The following AKAP9 variants were observed in gnomAD, a reference collection of about 807,000 sequenced individuals.
AKAP9 encodes A-kinase anchoring protein 9.
In AKAP9, 311 loss-of-function variants were observed where a neutral mutation model predicts 488.5. That is an observed-to-expected ratio of 0.64 (90% CI 0.58 to 0.70). The LOEUF is 0.70. Among genes scored for constraint, AKAP9 ranks in the 30% least tolerant of loss-of-function variants. AKAP9 has a pLI of 0.00. For missense variants in AKAP9, 4,215 were observed against 4,374.5 expected, an observed-to-expected ratio of 0.96 and a Z score of 1.03; for synonymous variants, 1,462 against 1,483.5, an observed-to-expected ratio of 0.99 and a Z score of 0.33.
chr7:92,102,494 CA>C, intron 45 of AKAP9, 99 bp from the exon 46 acceptor site: 1 of 815,566 alleles, frequency 1.2e-6, no homozygotes, highest in South Asian at 1.5e-5. Flanking sequence ...CTACTACCAC[CA>C]CCACCACCAC....
intron 21 of AKAP9, among the ~76,000 whole-genome samples, chr7:92,047,494 C>T (rs1807207178): frequency 6.6e-6 from 1 of 152,216 alleles, no homozygotes; most frequent in African/African-American, 2.4e-5. Context: ...GCTAGAATTA[C>T]AGGCGTGAGC....
At chr7:92,103,084 C>T (rs545635312) in intron 46 of AKAP9, among the ~76,000 whole-genome samples, 8 of 152,200 alleles carry the variant, frequency 5.3e-5, no homozygotes, top group African/African-American at 9.6e-5. Flanking sequence ...TATCCAATCA[C>T]GGCTGCCTTT....
At chr7:92,004,165 C>A (rs1425350806) in intron 8 of AKAP9, among the ~76,000 whole-genome samples, 1 of 152,084 alleles carries the variant, frequency 6.6e-6, no homozygotes, top group African/African-American at 2.4e-5. Flanking sequence ...TGGTCTATAT[C>A]TCTGTTTTGG....
chr7:91,950,842 T>C (rs1011685508), intron 1 of AKAP9, among the ~76,000 whole-genome samples: 1 of 152,208 alleles, frequency 6.6e-6, no homozygotes, highest in Non-Finnish European at 1.5e-5. Flanking sequence ...ATATATGAAA[T>C]AATGAGTTTT....
intron 24 of AKAP9, among the ~76,000 whole-genome samples, chr7:92,063,262 A>C (rs1208746482): frequency 2.0e-5 from 3 of 152,172 alleles, no homozygotes; most frequent in Non-Finnish European, 4.4e-5. Context: ...GGGATTTTTA[A>C]TATGGAAAGT....
rs546439759 is a variant in AKAP9, at chr7:92,020,453, C to G, written c.3838-1785C>G. On this transcript the variant is annotated intron_variant, in intron 12 of 49. Coordinates refer to ENST00000356239, the MANE Select transcript of AKAP9 (RefSeq NM_005751.5). Reference sequence around the variant, plus strand: ...TTTCTAGGCTTAGGCATTTCTTCCTCTGTTCCCTTAGCAACAGTACAGGCC... The same window carrying G: ...TTTCTAGGCTTAGGCATTTCTTCCTGTGTTCCCTTAGCAACAGTACAGGCC... Among the ~76,000 whole-genome samples the G allele has an allele frequency of 4.6e-5, 7 of 152,306 alleles. No homozygotes were observed. In the South Asian group the frequency reaches 8.3e-4, roughly 18 times the overall value.
Position 92,002,431 on chromosome 7 carries a change from G to A in AKAP9, c.2514G>A (p.Gln838=), listed in dbSNP as rs1562961564. ...AGGACCTCAAACAACAATGTATTCA[G>A]CTAAATGAAGAGATTGAAAAGCAAA... The part of the protein sequence containing the change: ...ENEDLKQQCI[Q]LNEEIEKQRN... Residue 838 remains glutamine (Q), a synonymous_variant, in exon 8 of 50, where the codon CAG becomes CAA. Transcript: ENST00000356239. 4.4e-6 allele frequency: 7 copies of A among 1,608,564 alleles called. No individual in the cohort carries two copies. In the South Asian group the frequency reaches 7.8e-5, roughly 18 times the overall value.
At chr7:91,943,217 A>C (rs146178691) in intron 1 of AKAP9, among the ~76,000 whole-genome samples, 80 of 152,204 alleles carry the variant, frequency 5.3e-4, no homozygotes, top group African/African-American at 8.7e-4. Context: ...AACAAACAAA[A>C]AAAAACCCCT....
At position 92,022,884 on chromosome 7, in the gene AKAP9, A is replaced by T. The variant is rs765475242; in HGVS notation, c.4023A>T (p.Gln1341His). The stretch of plus-strand genomic sequence containing the variant: ...AAACTAAACTTGAAGAACAAGTTCA[A>T]GAATTAGAAAGCCTCATATCCTCTT... ...LEKTKLEEQVQELESLISSLQ... is the reference protein window; with the variant it reads ...LEKTKLEEQVHELESLISSLQ... Residue 1341 changes from glutamine (Q) to histidine (H), a missense_variant, in exon 14 of 50, where the codon CAA (glutamine) becomes CAT (histidine). By Grantham distance (24) the Gln-to-His change is conservative (BLOSUM62 0). Around this residue, in one of 5 missense-constraint regions of AKAP9, gnomAD observed 2,361 missense variants for 2,430.0 expected, o/e 0.97. Transcript: ENST00000356239. 3.3e-5 allele frequency: 53 copies of T among 1,612,104 alleles called. No individual in the cohort carries two copies. The highest frequency in any genetic ancestry group is 4.0e-5 in the Non-Finnish European group (47 of 1,178,438).
intron 21 of AKAP9, 23 bp from the exon 22 acceptor site, chr7:92,052,703 C>A: frequency 6.8e-7 from 1 of 1,468,558 alleles, no homozygotes; most frequent in Non-Finnish European, 9.5e-7. Flanking sequence ...TTAATTTATG[C>A]CTTTAAAACA....
chr7:91,987,059 C>T (rs1304902857), intron 3 of AKAP9, among the ~76,000 whole-genome samples: 1 of 151,930 alleles, frequency 6.6e-6, no homozygotes, highest in Non-Finnish European at 1.5e-5. Context: ...GTCAAAAAAA[C>T]TAAATTGATG....
chr7:92,058,164 C>CT (rs1463340614), intron 22 of AKAP9: 1 of 585,172 alleles, frequency 1.7e-6, no homozygotes, highest in African/African-American at 1.8e-5. Context: ...GCTGTATCTT[C>CT]TGGGATGGAT....
intron 2 of AKAP9, among the ~76,000 whole-genome samples, chr7:91,979,404 A>T (rs577734120): frequency 6.6e-6 from 1 of 152,100 alleles, no homozygotes; most frequent in Admixed American, 6.6e-5. Flanking sequence ...TATGGGGGAA[A>T]CTGCTCTCAT....
chr7:92,060,856 G>A (rs1025084215), intron 22 of AKAP9, among the ~76,000 whole-genome samples: 10 of 151,566 alleles, frequency 6.6e-5, no homozygotes, highest in Non-Finnish European at 1.0e-4. Context: ...GTCACAATCC[G>A]TAAATACTAA....
chr7:92,075,779 A>G (rs1004057079), intron 28 of AKAP9, among the ~76,000 whole-genome samples: 3 of 152,236 alleles, frequency 2.0e-5, no homozygotes, highest in Admixed American at 1.3e-4. Context: ...GGCTGTTACT[A>G]CTAGTATTGA....
At chr7:92,068,529 CT>C in intron 26 of AKAP9, among the ~76,000 whole-genome samples, 1 of 151,882 alleles carries the variant, frequency 6.6e-6, no homozygotes. Context: ...ATGTAGTTTT[CT>C]TTTATTTGAA....
At chr7:91,954,388 A>G (rs1486945588) in intron 1 of AKAP9, among the ~76,000 whole-genome samples, 1 of 152,122 alleles carries the variant, frequency 6.6e-6, no homozygotes, top group Non-Finnish European at 1.5e-5. Context: ...GGGTTCAAGT[A>G]ATCCTCCCAT....
At chr7:91,988,449 T>C (rs531739144) in intron 3 of AKAP9, among the ~76,000 whole-genome samples, 2 of 152,130 alleles carry the variant, frequency 1.3e-5, no homozygotes, top group East Asian at 3.9e-4. Flanking sequence ...CCAGCCTGTG[T>C]GACAGAGTGA....
chr7:91,950,496 C>G (rs936900586), intron 1 of AKAP9, among the ~76,000 whole-genome samples: 2 of 152,158 alleles, frequency 1.3e-5, no homozygotes, highest in Non-Finnish European at 2.9e-5. Context: ...TCCCAAAGTG[C>G]TGGGATTACA....
Sources: allele counts gnomAD v4.1 joint callset (sites outside exome capture counted in the v4.1 genomes callset), GRCh38; gene constraint gnomAD v4.1.1; regional missense constraint gnomAD v4.1.1; transcripts MANE v1.5; gene names NCBI Gene and HGNC (gene_info 2026-07-23, HGNC 2026-07-21).